TECRL: variants seen among roughly 807,000 people sequenced by gnomAD.
The protein encoded by TECRL is trans-2,3-enoyl-CoA reductase-like.
A neutral mutation model predicts 52.8 loss-of-function variants in TECRL; 63 were observed. That is an observed-to-expected ratio of 1.19 (90% CI 0.97 to 1.47). The LOEUF (loss-of-function observed/expected upper bound fraction) is 1.47. Ranked by LOEUF, TECRL falls within the 40% of genes most tolerant of loss-of-function variation. The pLI is 0.00. For missense variants in TECRL, 482 were observed against 429.6 expected (o/e 1.12, Z -1.08); for synonymous variants, 164 against 141.9 (o/e 1.16, Z -1.10).
At chr4:64,302,590 C>T (rs924183653) in intron 7 of TECRL, among the ~76,000 whole-genome samples, 1 of 88,742 alleles carries the variant, frequency 1.1e-5, no homozygotes, top group Non-Finnish European at 3.2e-5. Flanking sequence ...AGTCCAGTAA[C>T]TTTTTTTTCT....
chr4:64,324,136 A>G (rs1718092816), intron 3 of TECRL, among the ~76,000 whole-genome samples: 1 of 152,176 alleles, frequency 6.6e-6, no homozygotes, highest in Non-Finnish European at 1.5e-5. Context: ...GATAGAGGTA[A>G]AATAAACATA....
At chr4:64,299,904 G>A (rs912874983) in intron 8 of TECRL, 70 bp downstream of exon 8, 1 of 787,692 alleles carries the variant, frequency 1.3e-6, no homozygotes, top group Non-Finnish European at 2.0e-6. Context: ...CAAATCTTCA[G>A]ATACAGTCTG....
intron 5 of TECRL, among the ~76,000 whole-genome samples, chr4:64,312,766 C>CAA (rs5858874): frequency 0.26 from 36,608 of 143,470 alleles, 4,851 homozygotes; most frequent in African/African-American, 0.31. Flanking sequence ...GACCCTCTCT[C>CAA]AAAAAAAAAA....
chr4:64,343,267 G>A (rs926442948), intron 2 of TECRL, among the ~76,000 whole-genome samples: 9 of 152,060 alleles, frequency 5.9e-5, no homozygotes, highest in Non-Finnish European at 1.2e-4. Context: ...ATCTCTCCGT[G>A]TTTATGTTGT....
At chr4:64,403,242 C>T (rs527434345) in intron 1 of TECRL, among the ~76,000 whole-genome samples, 19 of 152,074 alleles carry the variant, frequency 1.2e-4, no homozygotes, top group Admixed American at 1.2e-3. Context: ...ACAAAGATCA[C>T]CTATACATTT....
rs550615184 is a variant in TECRL at position 64,381,372 on chromosome 4, CT to C, written c.235-6150del. 1.2e-3 allele frequency among the ~76,000 whole-genome samples: 177 copies of C among 145,188 alleles called. 1 individual carries two copies. The highest frequency in any genetic ancestry group is 3.6e-3 in the Middle Eastern group (1 of 274). On this transcript the variant is annotated intron_variant, in intron 1 of 11. Coordinates refer to ENST00000381210, the MANE Select transcript of TECRL (RefSeq NM_001010874.5). Reference sequence around the variant, plus strand: ...CTTCCACATTTCCAATTTGGATGCCCTTTTTTTTTTTCTTCTTTTTCTTTCC... The same window carrying C: ...CTTCCACATTTCCAATTTGGATGCCCTTTTTTTTTTCTTCTTTTTCTTTCC...
intron 1 of TECRL, among the ~76,000 whole-genome samples, chr4:64,384,579 G>T (rs1270127043): frequency 6.6e-6 from 1 of 151,972 alleles, no homozygotes; most frequent in Non-Finnish European, 1.5e-5. Context: ...CCCCTAGAAT[G>T]CATTTATAGG....
chr4:64,277,907 T>C lies in TECRL; in HGVS notation c.*2165A>G, dbSNP rs1722630663. ...ATAGAAACTCATACACACACACACA[T>C]GCACATAGGCTTTCATAGAAGATAG... On this transcript the variant is annotated 3_prime_UTR_variant, in exon 12 of 12. Transcript: ENST00000381210. 1 of 151,674 alleles carries C rather than the reference T, an allele frequency of 6.6e-6. No homozygotes were observed. Among genetic ancestry groups the C allele is most frequent in the African/African-American group, 2.4e-5 (1 of 41,392 alleles). The allele number at this position is 151,674 out of a possible 1,614,324, so 9.4% of individuals were successfully genotyped here. A position where few individuals can be genotyped will look rare whatever the true frequency, so the allele number is the denominator to read the frequency against.
At chr4:64,375,552 AAT>A (rs1376989296) in intron 1 of TECRL, among the ~76,000 whole-genome samples, 12 of 152,070 alleles carry the variant, frequency 7.9e-5, no homozygotes, top group Non-Finnish European at 1.5e-4. Context: ...ATCAATTAAA[AAT>A]ATGTCTTAAT....
intron 4 of TECRL, among the ~76,000 whole-genome samples, chr4:64,318,894 C>T (rs368596082): frequency 3.3e-4 from 50 of 151,764 alleles, no homozygotes; most frequent in African/African-American, 8.4e-4. Flanking sequence ...AAGGTTAAGT[C>T]TAAAGGATAA....
intron 9 of TECRL, among the ~76,000 whole-genome samples, chr4:64,289,054 GA>G (rs1411702499): frequency 1.3e-5 from 2 of 152,126 alleles, no homozygotes; most frequent in Admixed American, 1.3e-4. Flanking sequence ...AGAGTTTGTT[GA>G]ATTCTGAAGC....
intron 2 of TECRL, among the ~76,000 whole-genome samples, chr4:64,331,534 TAA>T (rs1391814454): frequency 6.6e-6 from 1 of 152,014 alleles, no homozygotes; most frequent in Non-Finnish European, 1.5e-5. Flanking sequence ...TGATAAATAA[TAA>T]GATTAACTCA....
intron 2 of TECRL, among the ~76,000 whole-genome samples, chr4:64,367,375 CT>C (rs1375334083): frequency 1.3e-5 from 2 of 152,040 alleles, no homozygotes; most frequent in Non-Finnish European, 2.9e-5. Context: ...CATGCACCCC[CT>C]GAACCTAAAA....
intron 1 of TECRL, among the ~76,000 whole-genome samples, chr4:64,395,944 A>C (rs1723917232): frequency 6.6e-6 from 1 of 152,210 alleles, no homozygotes; most frequent in Middle Eastern, 3.4e-3. Flanking sequence ...TCTGTTCCTC[A>C]GTTAATTCAC....
At chr4:64,288,489 AAT>A (rs1314180334) in intron 9 of TECRL, among the ~76,000 whole-genome samples, 1 of 152,062 alleles carries the variant, frequency 6.6e-6, no homozygotes, top group African/African-American at 2.4e-5. Context: ...GCTGATCGAA[AAT>A]ATATATATAT....
intron 2 of TECRL, among the ~76,000 whole-genome samples, chr4:64,363,456 C>G (rs926752686): frequency 1.3e-5 from 2 of 152,106 alleles, no homozygotes; most frequent in Admixed American, 6.6e-5. Context: ...AGTTTTGCCA[C>G]GAGAGTACAC....
chr4:64,334,196 A>G (rs1473019920), intron 2 of TECRL, among the ~76,000 whole-genome samples: 1 of 152,066 alleles, frequency 6.6e-6, no homozygotes, highest in Non-Finnish European at 1.5e-5. Flanking sequence ...TTCTTAAGTA[A>G]TAAACATCAA....
chr4:64,374,418 A>G (rs1438216198), intron 2 of TECRL, among the ~76,000 whole-genome samples: 2 of 145,164 alleles, frequency 1.4e-5, no homozygotes, highest in Non-Finnish European at 3.1e-5. Flanking sequence ...AATTCTTTTT[A>G]TTATTATTAT....
chr4:64,332,815 G>A (rs1443233364), intron 2 of TECRL, among the ~76,000 whole-genome samples: 2 of 152,042 alleles, frequency 1.3e-5, no homozygotes, highest in Non-Finnish European at 2.9e-5. Context: ...TAAATATGTG[G>A]AACGGGAAAG....
Sources: allele counts gnomAD v4.1 joint callset (sites outside exome capture counted in the v4.1 genomes callset), GRCh38; gene constraint gnomAD v4.1.1; transcripts MANE v1.5; gene names NCBI Gene and HGNC (gene_info 2026-07-23, HGNC 2026-07-21).